AMZ2: variants seen among roughly 807,000 people sequenced by gnomAD.
The protein encoded by AMZ2 is archaelysin family metallopeptidase 2.
A neutral mutation model predicts 36.7 loss-of-function variants in AMZ2; 26 were observed. That is an observed-to-expected ratio of 0.71 (90% CI 0.52 to 0.98). AMZ2 has a LOEUF of 0.98. Among genes scored for constraint, AMZ2 ranks in the 50% least tolerant of loss-of-function variants. AMZ2 has a pLI of 0.00. For missense variants in AMZ2, 394 were observed against 430.5 expected (o/e 0.92, Z 0.75); for synonymous variants, 144 against 149.1 (o/e 0.97, Z 0.25).
At chr17:68,215,099 A>T (rs1488715015) in intron 1 of AMZ2, among the ~76,000 whole-genome samples, 8 of 152,210 alleles carry the variant, frequency 5.3e-5, no homozygotes, top group Non-Finnish European at 1.0e-4. Context: ...ATATTTCTTT[A>T]GTATGGTTTT....
Position 68,250,785 on chromosome 17 carries a change from A to C in AMZ2, c.284-9A>C, listed in dbSNP as rs782370345. On this transcript the variant is annotated splice_polypyrimidine_tract_variant and intron_variant, in intron 2 of 6. Transcript: ENST00000359904. ...AAAGTCTGTTTTTAAATGTTCTTCC[A>C]TATTGTAGGCTCTCTAGGAAACACC... is the stretch of plus-strand genomic sequence containing the variant. 1 of 1,558,820 alleles carries C rather than the reference A, an allele frequency of 6.4e-7. No individual in the cohort carries two copies. Among genetic ancestry groups the C allele is most frequent in the East Asian group, 2.3e-5 (1 of 44,120 alleles).
chr17:68,250,478 C>A lies in AMZ2; in HGVS notation c.283+8C>A. 6.2e-7 allele frequency: 1 copy of A among 1,612,132 alleles called. No homozygotes were observed. The highest frequency in any genetic ancestry group is 8.5e-7 in the Non-Finnish European group (1 of 1,178,792). On this transcript the variant is annotated splice_region_variant and intron_variant, in intron 2 of 6. Coordinates refer to ENST00000359904, the MANE Select transcript of AMZ2 (RefSeq NM_016627.5). Reference sequence around the variant, plus strand: ...TTTATATACAGTCCATTGGTAAATACTGGTAATGTGCTGGTTTTGGTTCAG... The same window carrying A: ...TTTATATACAGTCCATTGGTAAATAATGGTAATGTGCTGGTTTTGGTTCAG...
At chr17:68,225,015 TAA>T (rs34686374) in intron 1 of AMZ2, among the ~76,000 whole-genome samples, 3 of 142,078 alleles carry the variant, frequency 2.1e-5, no homozygotes, top group African/African-American at 7.8e-5. Flanking sequence ...CCGTTTCTAC[TAA>T]AAAAAAAAAC....
chr17:68,229,811 T>C (rs1555730778), intron 1 of AMZ2, among the ~76,000 whole-genome samples: 1 of 152,204 alleles, frequency 6.6e-6, no homozygotes, highest in Non-Finnish European at 1.5e-5. Context: ...CGGGCTGGTG[T>C]AGCTCCGGAG....
intron 1 of AMZ2, among the ~76,000 whole-genome samples, chr17:68,231,181 AG>A (rs1234040286): frequency 7.3e-5 from 11 of 151,466 alleles, no homozygotes; most frequent in Non-Finnish European, 1.5e-5. Flanking sequence ...CTCCTACCTC[AG>A]CCTCCCGAGT....
chr17:68,236,860 G>A (rs143242093), intron 1 of AMZ2, among the ~76,000 whole-genome samples: 118 of 152,182 alleles, frequency 7.8e-4, no homozygotes, highest in Admixed American at 1.8e-3. Flanking sequence ...GATTACAGGC[G>A]TGAGCCACCA....
At chr17:68,251,335 A>G (rs1302522892) in intron 4 of AMZ2, 157 bp downstream of exon 4, 14 of 828,356 alleles carry the variant, frequency 1.7e-5, no homozygotes, top group Non-Finnish European at 2.5e-5. Context: ...CTGTTGGTAG[A>G]TTGTGATAAT....
Position 68,254,296 on chromosome 17 carries a change from G to A in AMZ2, c.587-108G>A, listed in dbSNP as rs1390013277. On this transcript the variant is annotated intron_variant, in intron 4 of 6. Coordinates refer to ENST00000359904, the MANE Select transcript of AMZ2 (RefSeq NM_016627.5). ...GTGTATCAGATGGTGTGGACACAGT[G>A]ACACAGAGATGCACTCACTGGCCAG... is the stretch of plus-strand genomic sequence containing the variant. The A allele has an allele frequency of 6.5e-6, 7 of 1,076,640 alleles. No individual in the cohort carries two copies. The African/African-American group carries it at 1.1e-4, about 17-fold the overall frequency. The allele number at this position is 1,076,640 out of a possible 1,614,324, so 66.7% of individuals were successfully genotyped here.
chr17:68,217,763 TA>T (rs1300485194), intron 1 of AMZ2, among the ~76,000 whole-genome samples: 3 of 152,044 alleles, frequency 2.0e-5, no homozygotes, highest in East Asian at 1.9e-4. Context: ...AATAAGTGCT[TA>T]AAAATATGTT....
chr17:68,209,233 G>A (rs1283822167), intron 1 of AMZ2, among the ~76,000 whole-genome samples: 6 of 146,684 alleles, frequency 4.1e-5, no homozygotes, highest in Non-Finnish European at 8.9e-5. Flanking sequence ...TTGCTCTGTC[G>A]CCTAGGCTGG....
chr17:68,233,933 A>T (rs2073728950), intron 1 of AMZ2, among the ~76,000 whole-genome samples: 1 of 152,068 alleles, frequency 6.6e-6, no homozygotes, highest in African/African-American at 2.4e-5. Flanking sequence ...GGTGACACTC[A>T]ATGTCAATAA....
chr17:68,254,568 G>A lies in AMZ2; in HGVS notation c.750+1G>A, dbSNP rs782621975. ...TGTTTTACTACTTCGATCCTGTAAG[G>A]TAAGTTATTACAAAAATCTGACAGG... is the stretch of plus-strand genomic sequence containing the variant. On this transcript the variant is annotated splice_donor_variant, in intron 5 of 6. Transcript: ENST00000359904. LOFTEE classifies it high-confidence loss of function. The A allele has an allele frequency of 1.2e-6, 2 of 1,607,300 alleles. No homozygotes were observed. The highest frequency in any genetic ancestry group is 1.7e-5 in the Admixed American group (1 of 59,254).
chr17:68,229,411 G>A (rs7220409), intron 1 of AMZ2, among the ~76,000 whole-genome samples: 9,073 of 152,234 alleles, frequency 0.06, 476 homozygotes, highest in Admixed American at 0.13. Flanking sequence ...GTTCCTGCCT[G>A]TGCTAGAACT....
intron 1 of AMZ2, among the ~76,000 whole-genome samples, chr17:68,208,008 G>A (rs1475646901): frequency 2.8e-4 from 42 of 152,198 alleles, no homozygotes; most frequent in Admixed American, 7.8e-4. Flanking sequence ...TGGGCCAGCA[G>A]CTGCTGTGCT....
At chr17:68,233,148 C>T (rs1555731676) in intron 1 of AMZ2, among the ~76,000 whole-genome samples, 2 of 152,216 alleles carry the variant, frequency 1.3e-5, no homozygotes, top group African/African-American at 4.8e-5. Context: ...ATGCACCAAA[C>T]TTTGAGGGGT....
At chr17:68,244,210 G>A (rs1349520927), upstream of AMZ2, among the ~76,000 whole-genome samples, 4 of 152,184 alleles carry the variant, frequency 2.6e-5, no homozygotes, top group Admixed American at 2.6e-4. Context: ...TGTTTTAGTT[G>A]TACTGTGGCT....
At chr17:68,255,451 C>T (rs1452171644) in intron 5 of AMZ2, among the ~76,000 whole-genome samples, 1 of 152,132 alleles carries the variant, frequency 6.6e-6, no homozygotes, top group Non-Finnish European at 1.5e-5. Context: ...GGACAGCCTC[C>T]CACAACCTGG....
intron 1 of AMZ2, among the ~76,000 whole-genome samples, chr17:68,211,822 A>ATATG (rs2073071153): frequency 6.9e-6 from 1 of 144,524 alleles, no homozygotes; most frequent in South Asian, 2.2e-4. Context: ...ATGTATGTGT[A>ATATG]TGTATATGTA....
chr17:68,254,644 G>A (rs1417127375), intron 5 of AMZ2, 77 bp downstream of exon 5: 8 of 1,257,066 alleles, frequency 6.4e-6, no homozygotes, highest in Middle Eastern at 2.2e-4. Context: ...TTGTCAGTCC[G>A]TAAGGTAATA....
Sources: allele counts gnomAD v4.1 joint callset (sites outside exome capture counted in the v4.1 genomes callset), GRCh38; gene constraint gnomAD v4.1.1; transcripts MANE v1.5; gene names NCBI Gene and HGNC (gene_info 2026-07-23, HGNC 2026-07-21).